CUL5: variants seen among roughly 807,000 people sequenced by gnomAD.
CUL5 encodes cullin-5.
In CUL5, 26 loss-of-function variants were observed where a neutral mutation model predicts 108.8. The ratio of observed to expected loss-of-function variants is 0.24; its 90% CI spans 0.18 to 0.33. The LOEUF is 0.33. Among genes scored for constraint, CUL5 ranks in the 10% least tolerant of loss-of-function variants. The probability of loss-of-function intolerance (pLI) is 1.00; values close to 1 mark genes in which losing one functional copy is unlikely to be tolerated. For missense variants in CUL5, 524 were observed against 909.2 expected, an observed-to-expected ratio of 0.58 and a Z score of 5.45; for synonymous variants, 334 against 298.0, an observed-to-expected ratio of 1.12 and a Z score of -1.25.
intron 1 of CUL5, among the ~76,000 whole-genome samples, chr11:108,031,166 G>A (rs745827805): frequency 5.9e-5 from 9 of 151,932 alleles, no homozygotes; most frequent in Non-Finnish European, 1.0e-4. Context: ...CCAGGAGTTC[G>A]AGACCAGCCT....
chr11:108,095,682 G>A lies in CUL5; in HGVS notation c.1896G>A (p.Arg632=). 2.5e-6 allele frequency: 4 copies of A among 1,609,650 alleles called. No individual in the cohort carries two copies. Among genetic ancestry groups the A allele is most frequent in the Non-Finnish European group, 3.4e-6 (4 of 1,178,860 alleles). The change falls in exon 16 of 19, where the codon AGG becomes AGA. Residue 632 remains arginine, a synonymous_variant. Transcript: ENST00000393094. ...AACTCCCTGATGCTGAACTTAGGAG[G>A]ACTTTATGGGTTGGTTTATGTTTTT... is the stretch of plus-strand genomic sequence containing the variant. The part of the protein sequence containing the change: ...ATELPDAELR[R]TLWSLVAFPK...
intron 1 of CUL5, among the ~76,000 whole-genome samples, chr11:108,019,954 G>A (rs958831562): frequency 8.6e-5 from 13 of 152,032 alleles, no homozygotes; most frequent in Non-Finnish European, 8.8e-5. Flanking sequence ...GCAAGAGAGT[G>A]GGGAGAGGTA....
chr11:108,009,344 A>G lies in CUL5; in HGVS notation c.-5A>G. ...GTCGTCTCGCGAGAGTCCAAGTTAA[A>G]GAACATGGCGACGTCTAATCTGTTA... is the stretch of plus-strand genomic sequence containing the variant. On this transcript the variant is annotated 5_prime_UTR_variant, in exon 1 of 19. Transcript: ENST00000393094. 2 of 1,613,164 alleles carry G rather than the reference A, an allele frequency of 1.2e-6. No individual in the cohort carries two copies. Among genetic ancestry groups the G allele is most frequent in the Non-Finnish European group, 1.7e-6 (2 of 1,179,600 alleles).
intron 3 of CUL5, among the ~76,000 whole-genome samples, chr11:108,047,933 T>C (rs1863106766): frequency 6.6e-6 from 1 of 151,950 alleles, no homozygotes; most frequent in Non-Finnish European, 1.5e-5. Flanking sequence ...TGCTGAACAC[T>C]GGCAAAAAAA....
intron 18 of CUL5, among the ~76,000 whole-genome samples, chr11:108,103,082 C>T (rs1864710661): frequency 6.6e-6 from 1 of 152,172 alleles, no homozygotes; most frequent in African/African-American, 2.4e-5. Flanking sequence ...ACACATGAGC[C>T]ACCACACCCG....
Position 108,088,668 on chromosome 11 carries a change from A to G in CUL5, c.1311+9A>G, listed in dbSNP as rs1031177691. Reference sequence around the variant, plus strand: ...CAAAGCTTAAAGAAGTGGTACATGAATTTTTTGTATTTCAACTTTTAAAAT... The same window carrying G: ...CAAAGCTTAAAGAAGTGGTACATGAGTTTTTTGTATTTCAACTTTTAAAAT... On this transcript the variant is annotated intron_variant, in intron 12 of 18. Transcript: ENST00000393094. 3 of 1,566,914 alleles carry G rather than the reference A, an allele frequency of 1.9e-6. No homozygotes were observed. Among genetic ancestry groups the G allele is most frequent in the East Asian group, 2.3e-5 (1 of 43,838 alleles).
Position 108,008,984 on chromosome 11 carries a change from G to T in CUL5, c.-365G>T, listed in dbSNP as rs548899841. ...CGAGCTAAATTCGTTGCAGGTGGCC[G>T]CGGCGGGTGCAACCACAAAGGCTAA... On this transcript the variant is annotated 5_prime_UTR_variant, in exon 1 of 19. Coordinates refer to ENST00000393094, the MANE Select transcript of CUL5 (RefSeq NM_003478.6). 1.2e-5 allele frequency: 3 copies of T among 257,346 alleles called. No individual in the cohort carries two copies. Among genetic ancestry groups the T allele is most frequent in the Non-Finnish European group, 1.5e-5 (2 of 135,442 alleles). The allele number at this position is 257,346 out of a possible 1,614,324, so 15.9% of individuals were successfully genotyped here.
chr11:108,017,842 G>A (rs2135045073), intron 1 of CUL5, among the ~76,000 whole-genome samples: 1 of 151,314 alleles, frequency 6.6e-6, no homozygotes, highest in South Asian at 2.1e-4. Flanking sequence ...GTGAGACCCT[G>A]TCTCAAAAAA....
At chr11:108,031,699 C>A (rs1388312558) in intron 1 of CUL5, among the ~76,000 whole-genome samples, 1 of 152,014 alleles carries the variant, frequency 6.6e-6, no homozygotes, top group South Asian at 2.1e-4. Flanking sequence ...ACAGTGCTGT[C>A]GTATAAAGAC....
chr11:108,037,574 T>G (rs546323667), intron 2 of CUL5, among the ~76,000 whole-genome samples: 1 of 152,328 alleles, frequency 6.6e-6, no homozygotes, highest in African/African-American at 2.4e-5. Context: ...TCCAAATGTC[T>G]TCTCGCAGAG....
intron 1 of CUL5, among the ~76,000 whole-genome samples, chr11:108,028,255 C>T (rs10789651): frequency 0.59 from 90,513 of 152,128 alleles, 28,393 homozygotes; most frequent in East Asian, 0.9. Context: ...CCTGTCAAAT[C>T]TTCTTTTATT....
At chr11:108,046,213 GT>G (rs1863063922) in intron 2 of CUL5, 56 bp from the exon 3 acceptor site, 1 of 1,199,332 alleles carries the variant, frequency 8.3e-7, no homozygotes, top group Admixed American at 2.0e-5. Flanking sequence ...AATTTAAGAT[GT>G]TTTGTTCAGT....
At chr11:108,031,061 T>A (rs551589818) in intron 1 of CUL5, among the ~76,000 whole-genome samples, 4 of 152,144 alleles carry the variant, frequency 2.6e-5, no homozygotes, top group Non-Finnish European at 4.4e-5. Context: ...ATCAACAGAT[T>A]TGTATAACTG....
At chr11:108,101,010 A>G (rs1053963003) in intron 18 of CUL5, among the ~76,000 whole-genome samples, 7 of 152,236 alleles carry the variant, frequency 4.6e-5, no homozygotes, top group African/African-American at 1.7e-4. Flanking sequence ...GCCTGGCAAC[A>G]GAGCAAGACT....
At chr11:108,101,989 T>G (rs1210460796) in intron 18 of CUL5, among the ~76,000 whole-genome samples, 1 of 152,156 alleles carries the variant, frequency 6.6e-6, no homozygotes, top group Non-Finnish European at 1.5e-5. Context: ...TCACTTGACC[T>G]TCTGGTGTCA....
At chr11:108,042,759 A>C (rs1667320222) in intron 2 of CUL5, among the ~76,000 whole-genome samples, 1 of 151,376 alleles carries the variant, frequency 6.6e-6, no homozygotes, top group Non-Finnish European at 1.5e-5. Context: ...TTTTTCTATC[A>C]GTTTCTTTTT....
intron 1 of CUL5, among the ~76,000 whole-genome samples, chr11:108,027,464 G>A (rs1400816136): frequency 1.3e-5 from 2 of 152,002 alleles, no homozygotes; most frequent in Non-Finnish European, 2.9e-5. Flanking sequence ...TAGAGACAGG[G>A]TTTCACCATG....
intron 2 of CUL5, among the ~76,000 whole-genome samples, chr11:108,044,687 G>T (rs1863024013): frequency 6.7e-6 from 1 of 150,112 alleles, no homozygotes. Context: ...TCCTTTCGTT[G>T]TTTCTCTGAT....
intron 7 of CUL5, among the ~76,000 whole-genome samples, chr11:108,069,570 T>C (rs1863771843): frequency 6.6e-6 from 1 of 152,174 alleles, no homozygotes; most frequent in African/African-American, 2.4e-5. Flanking sequence ...TGTTTGTGTA[T>C]GTGTGTGATG....
Sources: allele counts gnomAD v4.1 joint callset (sites outside exome capture counted in the v4.1 genomes callset), GRCh38; gene constraint gnomAD v4.1.1; transcripts MANE v1.5; gene names NCBI Gene and HGNC (gene_info 2026-07-23, HGNC 2026-07-21).